PIK3C2G: variants seen among roughly 807,000 people sequenced by gnomAD.
The protein encoded by PIK3C2G is phosphatidylinositol-4-phosphate 3-kinase catalytic subunit type 2 gamma.
Under a neutral mutation model 181.1 loss-of-function variants are expected in PIK3C2G, and 168 were observed. The observed-to-expected ratio is 0.93, with a 90% CI of 0.82 to 1.05. The LOEUF is 1.05. Among genes scored for constraint, PIK3C2G ranks in the 50% least tolerant of loss-of-function variants. The pLI is 0.00. For synonymous variants in PIK3C2G, 573 were observed against 592.2 expected (o/e 0.97, Z 0.47); for missense variants, 1,869 against 1,732.8 (o/e 1.08, Z -1.40).
chr12:18,522,521 GT>G (rs200633495), intron 24 of PIK3C2G, among the ~76,000 whole-genome samples: 2,939 of 143,506 alleles, frequency 0.02, 31 homozygotes, highest in East Asian at 0.031. Flanking sequence ...TTGTTGGCAG[GT>G]TTTTTTTTTT....
At chr12:18,571,414 GT>G in intron 29 of PIK3C2G, among the ~76,000 whole-genome samples, 1 of 150,712 alleles carries the variant, frequency 6.6e-6, no homozygotes, top group East Asian at 1.9e-4. Flanking sequence ...ATCTTGACTG[GT>G]TTTTGTTTGT....
exon 1 of PIK3C2G, chr12:18,247,887 G>T (rs1948056685): frequency 6.6e-6 from 1 of 152,100 alleles, no homozygotes; most frequent in Non-Finnish European, 1.5e-5. Context: ...CATTAAAAAG[G>T]AAAGCCTTAC....
At chr12:18,508,376 G>A (rs923762978) in intron 24 of PIK3C2G, among the ~76,000 whole-genome samples, 2 of 152,058 alleles carry the variant, frequency 1.3e-5, no homozygotes, top group South Asian at 4.1e-4. Context: ...AGCTCTTTCA[G>A]TTTCTGGAAT....
intron 5 of PIK3C2G, among the ~76,000 whole-genome samples, chr12:18,300,186 T>G (rs1660215127): frequency 6.6e-6 from 1 of 152,028 alleles, no homozygotes; most frequent in Non-Finnish European, 1.5e-5. Context: ...TGAGAGACTT[T>G]TTATTACTGA....
chr12:18,660,388 C>G, the PIK3C2G span, among the ~76,000 whole-genome samples: 3 of 152,118 alleles, frequency 2.0e-5, no homozygotes, highest in Non-Finnish European at 4.4e-5. Context: ...TGCAACTCCT[C>G]CTTTGTTGCA....
At chr12:18,313,081 A>G (rs1193310139) in intron 5 of PIK3C2G, among the ~76,000 whole-genome samples, 1 of 152,142 alleles carries the variant, frequency 6.6e-6, no homozygotes, top group Non-Finnish European at 1.5e-5. Flanking sequence ...AACAATGTGC[A>G]TTAACATAAC....
intron 5 of PIK3C2G, among the ~76,000 whole-genome samples, chr12:18,297,154 C>T (rs1949974662): frequency 6.6e-6 from 1 of 152,024 alleles, no homozygotes; most frequent in African/African-American, 2.4e-5. Context: ...ACCGTCCCTG[C>T]ATCTCTCTTT....
intron 26 of PIK3C2G, among the ~76,000 whole-genome samples, chr12:18,548,857 CT>C (rs997386091): frequency 6.6e-6 from 1 of 151,950 alleles, no homozygotes; most frequent in African/African-American, 2.4e-5. Context: ...TTCCTAGGAC[CT>C]TATAATCTGA....
chr12:18,246,569 A>G (rs181100213), upstream of PIK3C2G, among the ~76,000 whole-genome samples: 221 of 152,102 alleles, frequency 1.5e-3, 1 homozygote, highest in African/African-American at 5.1e-3. Flanking sequence ...AGCAAGTTCC[A>G]TTTTCCCCTC....
At chr12:18,636,591 G>A (rs117078453) in intron 31 of PIK3C2G, among the ~76,000 whole-genome samples, 13,935 of 152,146 alleles carry the variant, frequency 0.092, 878 homozygotes, top group Non-Finnish European at 0.14. Flanking sequence ...CTGCATACCA[G>A]GTATCAGGAG....
chr12:18,463,895 C>G (rs1948052306), intron 18 of PIK3C2G, among the ~76,000 whole-genome samples: 1 of 152,072 alleles, frequency 6.6e-6, no homozygotes. Context: ...CAAACAGGCC[C>G]TTCACTCCTC....
At chr12:18,558,367 TCA>T (rs1945123630) in intron 26 of PIK3C2G, among the ~76,000 whole-genome samples, 1 of 152,182 alleles carries the variant, frequency 6.6e-6, no homozygotes, top group Non-Finnish European at 1.5e-5. Flanking sequence ...GAAAGATTGT[TCA>T]GTCATTCAAC....
At chr12:18,610,999 A>G (rs1948303095) in intron 31 of PIK3C2G, among the ~76,000 whole-genome samples, 1 of 152,078 alleles carries the variant, frequency 6.6e-6, no homozygotes, top group Admixed American at 6.6e-5. Flanking sequence ...ATATTACTCA[A>G]TGGTCACTCC....
intron 30 of PIK3C2G, among the ~76,000 whole-genome samples, chr12:18,598,519 A>C (rs1292562369): frequency 6.6e-6 from 1 of 151,816 alleles, no homozygotes; most frequent in Non-Finnish European, 1.5e-5. Context: ...TAAAGACTTA[A>C]ACGTTAGACC....
chr12:18,656,649 T>C, the PIK3C2G span, among the ~76,000 whole-genome samples: 21 of 152,070 alleles, frequency 1.4e-4, no homozygotes, highest in African/African-American at 5.1e-4. Flanking sequence ...GGTGGAAGGA[T>C]TGCTTGAGGC....
chr12:18,696,287 C>T, the PIK3C2G span: 25 of 1,074,754 alleles, frequency 2.3e-5, no homozygotes, highest in Admixed American at 6.4e-5. Context: ...ATAATTAAAA[C>T]ATTGTGAAAG....
chr12:18,301,509 A>G (rs1372404323), intron 5 of PIK3C2G, among the ~76,000 whole-genome samples: 1 of 151,744 alleles, frequency 6.6e-6, no homozygotes, highest in East Asian at 1.9e-4. Context: ...GCTCTTTGTT[A>G]TATTTCTTAT....
chr12:18,346,588 T>C (rs1939689500), intron 10 of PIK3C2G, 53 bp from the exon 11 acceptor site: 1 of 992,756 alleles, frequency 1.0e-6, no homozygotes. Flanking sequence ...ATTGATGGCC[T>C]ATGATAAATA....
At chr12:18,719,961 G>A in the PIK3C2G span, among the ~76,000 whole-genome samples, 1 of 151,958 alleles carries the variant, frequency 6.6e-6, no homozygotes. Flanking sequence ...CACAGGTTGA[G>A]GAACAAAGCA....
Sources: allele counts gnomAD v4.1 joint callset (sites outside exome capture counted in the v4.1 genomes callset), GRCh38; gene constraint gnomAD v4.1.1; transcripts MANE v1.5; gene names NCBI Gene and HGNC (gene_info 2026-07-23, HGNC 2026-07-21).